The following ANKS1B variants were observed in gnomAD, a reference collection of about 807,000 sequenced individuals.
ANKS1B encodes ankyrin repeat and sterile alpha motif domain containing 1B, also known as ankyrin repeat and sterile alpha motif domain-containing protein 1B.
Under a neutral mutation model 148.3 loss-of-function variants are expected in ANKS1B, and 36 were observed. That is an observed-to-expected ratio of 0.24 (90% CI 0.19 to 0.32). The LOEUF is 0.32. Ranked by LOEUF, ANKS1B falls within the 10% of genes least tolerant of loss-of-function variation. ANKS1B has a pLI of 1.00. For synonymous variants in ANKS1B, 542 were observed against 560.8 expected (o/e 0.97, Z 0.47); for missense variants, 1,157 against 1,542.6 (o/e 0.75, Z 4.19).
intron 12 of ANKS1B, among the ~76,000 whole-genome samples, chr12:99,276,508 G>C (rs11616140): frequency 0.046 from 6,942 of 152,268 alleles, 266 homozygotes; most frequent in African/African-American, 0.1. Flanking sequence ...GGGCCACCAT[G>C]TGAGGAGGAA....
At chr12:99,086,769 G>A (rs1330964145) in intron 15 of ANKS1B, among the ~76,000 whole-genome samples, 2 of 152,164 alleles carry the variant, frequency 1.3e-5, no homozygotes, top group African/African-American at 4.8e-5. Flanking sequence ...GGCGTCTATA[G>A]AGGTTCAAGA....
At chr12:99,565,719 C>T (rs1199267694) in intron 9 of ANKS1B, among the ~76,000 whole-genome samples, 1 of 152,076 alleles carries the variant, frequency 6.6e-6, no homozygotes, top group East Asian at 1.9e-4. Context: ...GGGACTTAAC[C>T]ATCTCCTTTC....
chr12:99,707,807 GTTA>G (rs1388235182), intron 8 of ANKS1B, among the ~76,000 whole-genome samples: 2 of 151,726 alleles, frequency 1.3e-5, no homozygotes, highest in East Asian at 1.9e-4. Flanking sequence ...CTGTCTTAGA[GTTA>G]TTATAACTAT....
chr12:99,825,491 TA>T, intron 1 of ANKS1B, 102 bp from the exon 2 acceptor site: 1 of 818,306 alleles, frequency 1.2e-6, no homozygotes, highest in Non-Finnish European at 1.9e-6. Flanking sequence ...AGGTTGTAGA[TA>T]AAAATTTTAG....
chr12:99,909,989 A>T (rs2093941765), intron 1 of ANKS1B, among the ~76,000 whole-genome samples: 1 of 152,250 alleles, frequency 6.6e-6, no homozygotes, highest in Non-Finnish European at 1.5e-5. Context: ...ATTTGTTCAT[A>T]TTCCATTCCA....
intron 4 of ANKS1B, among the ~76,000 whole-genome samples, chr12:99,790,129 CAAAT>C (rs2065470085): frequency 2.6e-5 from 4 of 152,066 alleles, no homozygotes; most frequent in Admixed American, 6.6e-5. Flanking sequence ...AGAAAATAAA[CAAAT>C]AACATACAAT....
At chr12:99,535,801 T>C (rs2097059310) in intron 9 of ANKS1B, among the ~76,000 whole-genome samples, 1 of 152,152 alleles carries the variant, frequency 6.6e-6, no homozygotes, top group African/African-American at 2.4e-5. Flanking sequence ...ACAGGAACAC[T>C]CAAAAAGTTG....
At chr12:99,858,547 T>C (rs2089542097) in intron 1 of ANKS1B, among the ~76,000 whole-genome samples, 1 of 152,032 alleles carries the variant, frequency 6.6e-6, no homozygotes, top group African/African-American at 2.4e-5. Flanking sequence ...GAAAAAGAAG[T>C]CATTATACGA....
At chr12:99,709,640 T>C (rs184443781) in intron 8 of ANKS1B, among the ~76,000 whole-genome samples, 1 of 152,190 alleles carries the variant, frequency 6.6e-6, no homozygotes, top group Admixed American at 6.5e-5. Flanking sequence ...AATGGGGTTT[T>C]AGCATGTTAG....
chr12:98,777,924 C>T (rs895300659), intron 24 of ANKS1B, among the ~76,000 whole-genome samples: 1 of 152,176 alleles, frequency 6.6e-6, no homozygotes, highest in Non-Finnish European at 1.5e-5. Context: ...TTAGTTTGCA[C>T]TTCAAACTAA....
At chr12:98,764,887 T>C (rs1039595756) in intron 25 of ANKS1B, among the ~76,000 whole-genome samples, 16 of 152,198 alleles carry the variant, frequency 1.1e-4, no homozygotes, top group African/African-American at 3.9e-4. Context: ...AACTATTTGC[T>C]TGTGTCCCTT....
chr12:99,540,951 C>A (rs1445205272), intron 9 of ANKS1B, among the ~76,000 whole-genome samples: 2 of 151,506 alleles, frequency 1.3e-5, no homozygotes, highest in East Asian at 3.9e-4. Context: ...GAAAGAGAAG[C>A]TATCACTACC....
intron 11 of ANKS1B, among the ~76,000 whole-genome samples, chr12:99,418,840 G>C (rs2094991927): frequency 6.6e-6 from 1 of 151,980 alleles, no homozygotes; most frequent in African/African-American, 2.4e-5. Flanking sequence ...ATTCTTTTAA[G>C]AGGTCTTAAA....
intron 17 of ANKS1B, among the ~76,000 whole-genome samples, chr12:99,002,965 A>C (rs1328109606): frequency 6.6e-6 from 1 of 152,156 alleles, no homozygotes; most frequent in Non-Finnish European, 1.5e-5. Context: ...TCACAGTTTC[A>C]AGTCTTACAT....
At chr12:99,043,045 G>A (rs985016605) in intron 17 of ANKS1B, among the ~76,000 whole-genome samples, 2 of 152,166 alleles carry the variant, frequency 1.3e-5, no homozygotes, top group Non-Finnish European at 2.9e-5. Flanking sequence ...TACCACTCAT[G>A]TAGATGGTTG....
At chr12:99,517,171 G>A (rs2096829817) in intron 9 of ANKS1B, among the ~76,000 whole-genome samples, 1 of 151,952 alleles carries the variant, frequency 6.6e-6, no homozygotes, top group African/African-American at 2.4e-5. Context: ...TCATTTTCTT[G>A]TATGATCTTT....
chr12:98,794,146 C>T (rs2098922239), intron 22 of ANKS1B, among the ~76,000 whole-genome samples: 1 of 152,044 alleles, frequency 6.6e-6, no homozygotes, highest in South Asian at 2.1e-4. Flanking sequence ...AATCCCAGCA[C>T]TTTGGGAGGC....
chr12:99,666,857 GGTGTGTGT>G lies in ANKS1B; in HGVS notation c.1129-11655_1129-11648del, dbSNP rs3083633. On this transcript the variant is annotated intron_variant, in intron 8 of 26. Transcript: ENST00000683438. ...CCATCACGTCATATAGTTACTATGG[GGTGTGTGT>G]GTGTGTGTGTGTGTGTGTGTGTGTG... is the stretch of plus-strand genomic sequence containing the variant. Among the ~76,000 whole-genome samples the G allele has an allele frequency of 6.1e-3, 806 of 132,620 alleles. 19 individuals carry two copies. The East Asian group carries it at 0.064, about 11-fold the overall frequency. The allele number at this position is 132,620 out of a possible 152,430, so 87.0% of individuals were successfully genotyped here.
intron 8 of ANKS1B, among the ~76,000 whole-genome samples, chr12:99,756,895 T>C (rs1406158021): frequency 6.6e-6 from 1 of 152,184 alleles, no homozygotes; most frequent in East Asian, 1.9e-4. Flanking sequence ...GCTAGCAATA[T>C]GCAGAAAACT....
Sources: allele counts gnomAD v4.1 joint callset (sites outside exome capture counted in the v4.1 genomes callset), GRCh38; gene constraint gnomAD v4.1.1; transcripts MANE v1.5; gene names NCBI Gene and HGNC (gene_info 2026-07-23, HGNC 2026-07-21).